The following CA10 variants were observed in gnomAD, a reference collection of about 807,000 sequenced individuals.
CA10 encodes the protein carbonic anhydrase 10 (inactive), also known as carbonic anhydrase-related protein 10.
A neutral mutation model predicts 44.2 loss-of-function variants in CA10; 14 were observed. The observed-to-expected ratio is 0.32, with a 90% confidence interval of 0.21 to 0.50. The LOEUF is 0.50. Among genes scored for constraint, CA10 ranks in the 20% least tolerant of loss-of-function variants. The pLI is 0.99. For missense variants in CA10, 350 were observed against 409.7 expected (o/e 0.85, Z 1.26); for synonymous variants, 159 against 141.6 (o/e 1.12, Z -0.87).
chr17:51,644,167 T>TC (rs1318461552), intron 6 of CA10, among the ~76,000 whole-genome samples: 1,311 of 90,350 alleles, frequency 0.015, 16 homozygotes, highest in African/African-American at 0.044. Flanking sequence ...TTTGCACAGT[T>TC]CCCCCCCTTT....
chr17:52,071,078 G>C (rs889546712), intron 2 of CA10, among the ~76,000 whole-genome samples: 6 of 152,196 alleles, frequency 3.9e-5, no homozygotes. Flanking sequence ...TCAATTGTAA[G>C]TATTGAATGC....
At chr17:51,636,839 G>A (rs1206148894) in intron 6 of CA10, among the ~76,000 whole-genome samples, 1 of 149,254 alleles carries the variant, frequency 6.7e-6, no homozygotes. Flanking sequence ...GGTCTATGCA[G>A]ATAGCCTTTT....
At chr17:51,879,064 A>G (rs1980246561) in intron 3 of CA10, among the ~76,000 whole-genome samples, 1 of 151,240 alleles carries the variant, frequency 6.6e-6, no homozygotes, top group Non-Finnish European at 1.5e-5. Context: ...TAACTTTGTG[A>G]CTTTCCTTTT....
intron 2 of CA10, among the ~76,000 whole-genome samples, chr17:52,002,486 A>G (rs1351917861): frequency 6.6e-6 from 1 of 151,974 alleles, no homozygotes; most frequent in Non-Finnish European, 1.5e-5. Flanking sequence ...GGCAAGATGG[A>G]TAATTATGGA....
intron 3 of CA10, among the ~76,000 whole-genome samples, chr17:51,898,090 T>C (rs893116630): frequency 1.3e-5 from 2 of 152,146 alleles, no homozygotes; most frequent in African/African-American, 4.8e-5. Flanking sequence ...TAGCTGGGAC[T>C]TCCAGTACTA....
chr17:51,635,836 T>C lies in CA10; in HGVS notation c.789+19A>G. The C allele has an allele frequency of 6.5e-7, 1 of 1,535,376 alleles. No individual in the cohort carries two copies. The highest frequency in any genetic ancestry group is 8.8e-7 in the Non-Finnish European group (1 of 1,133,926). ...ACATCATTCTTCTCCATTAGCTAAA[T>C]GACCAGAGAGAAACTCACCTGCATC... On this transcript the variant is annotated intron_variant, in intron 7 of 8. Coordinates refer to ENST00000451037, the MANE Select transcript of CA10 (RefSeq NM_020178.5).
At chr17:51,826,582 T>C (rs1908016617) in intron 3 of CA10, among the ~76,000 whole-genome samples, 4 of 152,060 alleles carry the variant, frequency 2.6e-5, no homozygotes, top group Admixed American at 2.6e-4. Context: ...GAGCCCTGCT[T>C]GTGTGGACAT....
At chr17:52,100,450 C>T (rs1988511561) in intron 1 of CA10, among the ~76,000 whole-genome samples, 1 of 149,200 alleles carries the variant, frequency 6.7e-6, no homozygotes, top group Non-Finnish European at 1.5e-5. Flanking sequence ...TCAAAAAAAA[C>T]AGACAAGCCA....
chr17:52,028,163 T>C (rs1171727192), intron 2 of CA10, among the ~76,000 whole-genome samples: 6 of 152,166 alleles, frequency 3.9e-5, no homozygotes. Flanking sequence ...AAAAACCCCA[T>C]GAGGTACTGT....
chr17:51,963,532 T>C (rs988556997), intron 2 of CA10, among the ~76,000 whole-genome samples: 5 of 152,096 alleles, frequency 3.3e-5, no homozygotes, highest in Non-Finnish European at 7.4e-5. Flanking sequence ...GATCAGATCA[T>C]GTACAAAAGG....
At chr17:52,034,711 T>TA (rs1845797390) in intron 2 of CA10, among the ~76,000 whole-genome samples, 1 of 152,162 alleles carries the variant, frequency 6.6e-6, no homozygotes. Flanking sequence ...TCCTTTCCTA[T>TA]AAGATATGGC....
intron 2 of CA10, among the ~76,000 whole-genome samples, chr17:51,969,430 C>T (rs1984198724): frequency 6.6e-6 from 1 of 151,968 alleles, no homozygotes; most frequent in Non-Finnish European, 1.5e-5. Context: ...GATGGCTATG[C>T]CCTTTCTATT....
intron 1 of CA10, among the ~76,000 whole-genome samples, chr17:52,137,788 C>T (rs1989391553): frequency 6.6e-6 from 1 of 152,194 alleles, no homozygotes; most frequent in Non-Finnish European, 1.5e-5. Context: ...TTTTACTTAG[C>T]TTGTTTACCC....
chr17:51,772,229 T>G (rs1567834504), intron 3 of CA10, among the ~76,000 whole-genome samples: 1 of 152,204 alleles, frequency 6.6e-6, no homozygotes, highest in Non-Finnish European at 1.5e-5. Context: ...TAACACATAA[T>G]AATTACTTAA....
intron 3 of CA10, among the ~76,000 whole-genome samples, chr17:51,796,995 T>C (rs1248176153): frequency 1.3e-5 from 2 of 152,184 alleles, no homozygotes; most frequent in Non-Finnish European, 2.9e-5. Flanking sequence ...GCCTCCTTTT[T>C]ACTGCCAGAA....
chr17:52,117,546 A>G (rs1169851739), intron 1 of CA10, among the ~76,000 whole-genome samples: 2 of 152,174 alleles, frequency 1.3e-5, no homozygotes, highest in African/African-American at 4.8e-5. Context: ...GTGTAGTTAT[A>G]TATGTGTTGT....
chr17:52,111,593 A>G (rs1251879271), intron 1 of CA10, among the ~76,000 whole-genome samples: 3 of 152,166 alleles, frequency 2.0e-5, no homozygotes, highest in Non-Finnish European at 4.4e-5. Flanking sequence ...ATTAGATTGT[A>G]TCAGCAGCCT....
chr17:52,014,529 A>G lies in CA10; in HGVS notation c.136+57790T>C, dbSNP rs983532776. ...AAAGTTATAAAATTTAGAGAGAAGT[A>G]TAATATTTTTATAATCTTAGCACAG... On this transcript the variant is annotated intron_variant, in intron 2 of 8. Coordinates refer to ENST00000451037, the MANE Select transcript of CA10 (RefSeq NM_020178.5). Among the ~76,000 whole-genome samples the G allele has an allele frequency of 3.3e-5, 5 of 152,198 alleles. No individual in the cohort carries two copies. In the South Asian group the frequency reaches 6.2e-4, roughly 19 times the overall value.
At chr17:51,871,920 A>G (rs188522092) in intron 3 of CA10, among the ~76,000 whole-genome samples, 5 of 152,204 alleles carry the variant, frequency 3.3e-5, no homozygotes, top group African/African-American at 1.2e-4. Flanking sequence ...GCCAAGAAGA[A>G]TGAAACATGT....
Sources: allele counts gnomAD v4.1 joint callset (sites outside exome capture counted in the v4.1 genomes callset), GRCh38; gene constraint gnomAD v4.1.1; transcripts MANE v1.5; gene names NCBI Gene and HGNC (gene_info 2026-07-23, HGNC 2026-07-21).